Variants in SGCD observed in about 807,000 individuals in gnomAD.
The protein encoded by SGCD is delta-sarcoglycan.
A neutral mutation model predicts 36.6 loss-of-function variants in SGCD; 18 were observed. That is an observed-to-expected ratio of 0.49 (90% CI 0.34 to 0.73). The LOEUF (loss-of-function observed/expected upper bound fraction) is 0.73, where lower values mean the gene tolerates loss of function less well. Ranked by LOEUF, SGCD falls within the 30% of genes least tolerant of loss-of-function variation. The pLI, the probability that SGCD is intolerant of heterozygous loss-of-function variation, is 0.01. For synonymous variants in SGCD, 133 were observed against 130.6 expected (o/e 1.02, Z -0.12); for missense variants, 387 against 346.7 (o/e 1.12, Z -0.92).
intron 3 of SGCD, among the ~76,000 whole-genome samples, chr5:156,284,909 T>A (rs1766553261): frequency 6.6e-6 from 1 of 152,224 alleles, no homozygotes; most frequent in Non-Finnish European, 1.5e-5. Context: ...GACATGATTG[T>A]GTATCTAGAA....
At chr5:156,279,157 G>C (rs1766386436) in intron 3 of SGCD, among the ~76,000 whole-genome samples, 1 of 152,140 alleles carries the variant, frequency 6.6e-6, no homozygotes, top group Admixed American at 6.6e-5. Context: ...TTTGTGTTCT[G>C]CATGTAGCTG....
chr5:156,237,823 C>T (rs1404021952), intron 3 of SGCD, among the ~76,000 whole-genome samples: 1 of 152,062 alleles, frequency 6.6e-6, no homozygotes, highest in East Asian at 1.9e-4. Context: ...CAACTATGTG[C>T]CAGATACTGG....
intron 1 of SGCD, among the ~76,000 whole-genome samples, chr5:156,112,132 A>G (rs1025431971): frequency 3.9e-5 from 6 of 152,132 alleles, no homozygotes; most frequent in African/African-American, 1.4e-4. Context: ...TTTATAAACC[A>G]TTTTCTCCTC....
At chr5:156,102,023 CAT>C (rs951251732) in intron 1 of SGCD, among the ~76,000 whole-genome samples, 34 of 151,370 alleles carry the variant, frequency 2.2e-4, no homozygotes, top group African/African-American at 7.3e-4. Flanking sequence ...TTTATGGACT[CAT>C]AGCATTTTTA....
At chr5:156,560,218 C>T (rs1205284985) in intron 4 of SGCD, among the ~76,000 whole-genome samples, 1 of 152,144 alleles carries the variant, frequency 6.6e-6, no homozygotes, top group Non-Finnish European at 1.5e-5. Context: ...TCTTACATCT[C>T]TTAATAGAAG....
intron 8 of SGCD, 149 bp from the exon 9 acceptor site, chr5:156,759,068 A>T: frequency 1.6e-6 from 1 of 620,554 alleles, no homozygotes; most frequent in South Asian, 2.0e-5. Flanking sequence ...TCTTGTTGGT[A>T]TCCAAATCCC....
At chr5:156,376,058 G>A (rs1046102931) in intron 3 of SGCD, among the ~76,000 whole-genome samples, 4 of 152,114 alleles carry the variant, frequency 2.6e-5, no homozygotes, top group Non-Finnish European at 4.4e-5. Flanking sequence ...ACCGTGTGAG[G>A]CAAACACTAG....
chr5:155,879,715 T>C (rs1354627027), intron 1 of SGCD, among the ~76,000 whole-genome samples: 1 of 152,144 alleles, frequency 6.6e-6, no homozygotes, highest in Admixed American at 6.5e-5. Flanking sequence ...GTAATTAACA[T>C]AATTATAACA....
chr5:156,622,099 AG>A (rs1168784593), intron 6 of SGCD, among the ~76,000 whole-genome samples: 1 of 152,018 alleles, frequency 6.6e-6, no homozygotes, highest in Non-Finnish European at 1.5e-5. Context: ...AGAATGTACA[AG>A]TACATTTTTT....
chr5:156,422,988 C>A (rs1300099411), intron 3 of SGCD, among the ~76,000 whole-genome samples: 2 of 150,884 alleles, frequency 1.3e-5, no homozygotes, highest in African/African-American at 4.9e-5. Context: ...GTTGTGAATG[C>A]CAGAGGCCTG....
At chr5:156,267,108 A>G (rs2127667765) in intron 3 of SGCD, among the ~76,000 whole-genome samples, 1 of 152,264 alleles carries the variant, frequency 6.6e-6, no homozygotes, top group African/African-American at 2.4e-5. Context: ...CCACTTCCTC[A>G]TTTGTAAGAT....
chr5:156,285,012 A>G (rs1766555550), intron 3 of SGCD, among the ~76,000 whole-genome samples: 1 of 152,210 alleles, frequency 6.6e-6, no homozygotes, highest in African/African-American at 2.4e-5. Flanking sequence ...AATCACAAGC[A>G]TTCTTATACA....
chr5:156,612,724 G>C (rs559074904), intron 6 of SGCD, among the ~76,000 whole-genome samples: 1 of 152,330 alleles, frequency 6.6e-6, no homozygotes, highest in East Asian at 1.9e-4. Flanking sequence ...CAGTGTGTCA[G>C]AAATGGAGAG....
At chr5:156,248,278 T>G (rs762531083) in intron 3 of SGCD, among the ~76,000 whole-genome samples, 5 of 152,110 alleles carry the variant, frequency 3.3e-5, no homozygotes, top group Admixed American at 6.6e-5. Context: ...TCCCAGCACT[T>G]TGGGAGGCCG....
At chr5:155,737,870 T>C in the SGCD span, among the ~76,000 whole-genome samples, 1 of 152,180 alleles carries the variant, frequency 6.6e-6, no homozygotes, top group Non-Finnish European at 1.5e-5. Context: ...TAGGTTAATT[T>C]GCCATATATG....
At chr5:155,734,154 T>A in the SGCD span, among the ~76,000 whole-genome samples, 1 of 147,482 alleles carries the variant, frequency 6.8e-6, no homozygotes, top group Non-Finnish European at 1.5e-5. Context: ...ATTAATAATG[T>A]TACTGTTATT....
intron 1 of SGCD, among the ~76,000 whole-genome samples, chr5:156,114,442 T>C (rs1014046845): frequency 1.3e-5 from 2 of 152,078 alleles, no homozygotes; most frequent in African/African-American, 2.4e-5. Flanking sequence ...ATCTATACAG[T>C]TTTGTGGTTT....
chr5:156,374,780 A>G (rs777548753), intron 3 of SGCD, among the ~76,000 whole-genome samples: 5 of 151,726 alleles, frequency 3.3e-5, no homozygotes, highest in Non-Finnish European at 5.9e-5. Context: ...TCCCAAAGCA[A>G]CACTGTCTTT....
chr5:156,369,450 A>G (rs1770271725), intron 3 of SGCD, among the ~76,000 whole-genome samples: 2 of 152,178 alleles, frequency 1.3e-5, no homozygotes, highest in South Asian at 4.1e-4. Context: ...GGGGTTATAG[A>G]CTAATAGTTG....
Sources: allele counts gnomAD v4.1 joint callset (sites outside exome capture counted in the v4.1 genomes callset), GRCh38; gene constraint gnomAD v4.1.1; transcripts MANE v1.5; gene names NCBI Gene and HGNC (gene_info 2026-07-23, HGNC 2026-07-21).